Variants in SLCO3A1 observed in about 807,000 individuals in gnomAD.
SLCO3A1 encodes the protein PGE1 transporter.
In SLCO3A1, 27 loss-of-function variants were observed where a neutral mutation model predicts 63.1. The observed-to-expected ratio is 0.43, with a 90% CI of 0.32 to 0.59. The LOEUF (loss-of-function observed/expected upper bound fraction) is 0.59. Ranked by LOEUF, SLCO3A1 falls within the 20% of genes least tolerant of loss-of-function variation. SLCO3A1 has a pLI of 0.09. For missense variants in SLCO3A1, 773 were observed against 945.8 expected, an observed-to-expected ratio of 0.82 and a Z score of 2.40; for synonymous variants, 473 against 409.9, an observed-to-expected ratio of 1.15 and a Z score of -1.86.
At chr15:92,157,120 C>T (rs1449765567) in intron 9 of SLCO3A1, 1 of 152,192 alleles carries the variant, frequency 6.6e-6, no homozygotes, top group Non-Finnish European at 1.5e-5. Context: ...AATATTCCCT[C>T]TAATAGCGGG....
chr15:92,064,148 C>G lies in SLCO3A1; in HGVS notation c.647-30733C>G, dbSNP rs2047120318. ...GCCCTGCTGAGGCTTTCATCAGTGA[C>G]CCCCATGGAGGCACCTGATGCTGAA... On this transcript the variant is annotated intron_variant, in intron 2 of 9. Coordinates refer to ENST00000318445, the MANE Select transcript of SLCO3A1 (RefSeq NM_013272.4). 2.0e-5 allele frequency among the ~76,000 whole-genome samples: 3 copies of G among 152,328 alleles called. No homozygotes were observed. In the South Asian group the frequency reaches 6.2e-4, roughly 32 times the overall value.
intron 1 of SLCO3A1, among the ~76,000 whole-genome samples, chr15:91,871,522 T>C (rs144446552): frequency 8.7e-4 from 133 of 152,318 alleles, no homozygotes; most frequent in African/African-American, 3.1e-3. Flanking sequence ...CCCCAGCAGA[T>C]GTTTTCTCTC....
At chr15:91,867,819 G>A (rs1024314414) in intron 1 of SLCO3A1, among the ~76,000 whole-genome samples, 1 of 152,186 alleles carries the variant, frequency 6.6e-6, no homozygotes, top group Non-Finnish European at 1.5e-5. Flanking sequence ...GGCCCCGGGT[G>A]TTCTGGGGGC....
intron 1 of SLCO3A1, among the ~76,000 whole-genome samples, chr15:91,855,891 C>T (rs369570116): frequency 1.1e-3 from 160 of 152,220 alleles, no homozygotes; most frequent in African/African-American, 3.2e-3. Flanking sequence ...CGGTAGAGTG[C>T]ATTATTCATG....
At chr15:92,049,838 G>A (rs28412593) in intron 2 of SLCO3A1, among the ~76,000 whole-genome samples, 2,733 of 152,244 alleles carry the variant, frequency 0.018, 83 homozygotes, top group African/African-American at 0.062. Context: ...CTAGGGAGGC[G>A]GGGAGGAAAA....
chr15:92,096,208 A>C (rs207973), intron 3 of SLCO3A1, among the ~76,000 whole-genome samples: 45,820 of 152,010 alleles, frequency 0.3, 7,162 homozygotes, highest in South Asian at 0.35. Context: ...ATGGGCCCAC[A>C]GGAGGGGACT....
intron 2 of SLCO3A1, among the ~76,000 whole-genome samples, chr15:91,988,722 C>T (rs1280673210): frequency 6.6e-6 from 1 of 152,130 alleles, no homozygotes; most frequent in Admixed American, 6.6e-5. Context: ...AACAAGTTCC[C>T]AGGTGATGCT....
intron 1 of SLCO3A1, among the ~76,000 whole-genome samples, chr15:91,905,359 T>G (rs1352571145): frequency 6.6e-6 from 1 of 152,238 alleles, no homozygotes; most frequent in African/African-American, 2.4e-5. Context: ...CTGAAGAAGC[T>G]CAAGTCAGTC....
chr15:91,902,898 C>T (rs565130153), intron 1 of SLCO3A1, among the ~76,000 whole-genome samples: 25 of 152,312 alleles, frequency 1.6e-4, no homozygotes, highest in African/African-American at 6.0e-4. Context: ...AACTTTTGTG[C>T]TTCTGTATCT....
intron 4 of SLCO3A1, among the ~76,000 whole-genome samples, chr15:92,111,371 G>A (rs530757778): frequency 3.3e-5 from 5 of 152,214 alleles, no homozygotes; most frequent in Admixed American, 1.3e-4. Flanking sequence ...TTGTTCTGCC[G>A]GTAACCAGCT....
chr15:91,947,950 T>G (rs1899867631), intron 2 of SLCO3A1, among the ~76,000 whole-genome samples: 1 of 152,224 alleles, frequency 6.6e-6, no homozygotes, highest in South Asian at 2.1e-4. Context: ...CGAAAGTGAC[T>G]GCAGCCCAGT....
At chr15:92,031,792 T>C (rs536759808) in intron 2 of SLCO3A1, among the ~76,000 whole-genome samples, 1 of 152,348 alleles carries the variant, frequency 6.6e-6, no homozygotes, top group South Asian at 2.1e-4. Flanking sequence ...TTATCCTTTC[T>C]CTGTATTATA....
chr15:92,023,881 A>T (rs1439163931), intron 2 of SLCO3A1, among the ~76,000 whole-genome samples: 1 of 152,208 alleles, frequency 6.6e-6, no homozygotes, highest in Non-Finnish European at 1.5e-5. Context: ...CTTACCCTAG[A>T]GGGCTTTTGA....
rs554529152 is a variant in SLCO3A1, at chr15:91,968,696, C to T, written c.646+52238C>T. On this transcript the variant is annotated intron_variant, in intron 2 of 9. Coordinates refer to ENST00000318445, the MANE Select transcript of SLCO3A1 (RefSeq NM_013272.4). This position sits in a 1 kb window ranked among gnomAD's most constrained non-coding sequence, Gnocchi z 4.2. ...CAGAGAAAGGGTGCACACGCAGACC[C>T]GCAAGCACAGCCTTCGCACGTGTGC... 2.8e-4 allele frequency among the ~76,000 whole-genome samples: 42 copies of T among 152,310 alleles called. No individual in the cohort carries two copies. The highest frequency in any genetic ancestry group is 1.6e-3 in the Admixed American group (24 of 15,302).
chr15:92,113,539 A>C (rs991832233), intron 4 of SLCO3A1, among the ~76,000 whole-genome samples: 1 of 152,202 alleles, frequency 6.6e-6, no homozygotes, highest in African/African-American at 2.4e-5. Context: ...GAGGATGGTC[A>C]AAAGGAAACC....
chr15:92,104,959 C>T (rs976139784), intron 4 of SLCO3A1, among the ~76,000 whole-genome samples: 3 of 151,010 alleles, frequency 2.0e-5, no homozygotes, highest in South Asian at 2.1e-4. Context: ...CACCTCCAGC[C>T]GGGCGCGGTG....
chr15:92,025,083 G>A (rs139651384), intron 2 of SLCO3A1, among the ~76,000 whole-genome samples: 2 of 151,424 alleles, frequency 1.3e-5, no homozygotes, highest in African/African-American at 4.9e-5. Flanking sequence ...TTAATGGCAT[G>A]TCCTCATGGT....
chr15:92,130,695 C>G (rs2047982121), intron 7 of SLCO3A1, among the ~76,000 whole-genome samples: 1 of 152,080 alleles, frequency 6.6e-6, no homozygotes, highest in Non-Finnish European at 1.5e-5. Context: ...CACTCGTGAC[C>G]CATGGCAGCT....
At chr15:91,917,806 C>G (rs1353140712) in intron 2 of SLCO3A1, among the ~76,000 whole-genome samples, 1 of 152,172 alleles carries the variant, frequency 6.6e-6, no homozygotes, top group African/African-American at 2.4e-5. Flanking sequence ...GTTTTTTGCA[C>G]ACCAGATCAT....
Sources: allele counts gnomAD v4.1 joint callset (sites outside exome capture counted in the v4.1 genomes callset), GRCh38; gene constraint gnomAD v4.1.1; non-coding constraint Gnocchi (gnomAD v3.1); transcripts MANE v1.5; gene names NCBI Gene and HGNC (gene_info 2026-07-23, HGNC 2026-07-21).